GRIN2B: variants seen among roughly 807,000 people sequenced by gnomAD.
GRIN2B encodes the protein glutamate ionotropic receptor NMDA type subunit 2B.
A neutral mutation model predicts 114.5 loss-of-function variants in GRIN2B; 5 were observed. The ratio of observed to expected loss-of-function variants is 0.04; its 90% CI spans 0.02 to 0.09. The LOEUF is 0.09. Among genes scored for constraint, GRIN2B ranks in the 10% least tolerant of loss-of-function variants. GRIN2B has a pLI of 1.00. For missense variants in GRIN2B, 1,108 were observed against 1,943.5 expected (o/e 0.57, Z 8.08); for synonymous variants, 787 against 745.1 (o/e 1.06, Z -0.92).
chr12:13,708,723 A>G (rs1358348510), intron 4 of GRIN2B, among the ~76,000 whole-genome samples: 1 of 152,068 alleles, frequency 6.6e-6, no homozygotes. Context: ...CAGAGAGGTT[A>G]ATCAACTTAT....
chr12:13,547,981 A>ATAT lies in GRIN2B; in HGVS notation c.*14801_*14802insATA. 79 of 68,594 alleles carry ATAT rather than the reference A, an allele frequency of 1.2e-3. 1 individual carries two copies. The highest frequency in any genetic ancestry group is 5.1e-3 in the South Asian group (7 of 1,378). 4.2% of individuals were successfully genotyped at this position (68,594 alleles called of 1,614,324 possible). ...TGTGTATATATATATATATATATAT[A>ATAT]TTTTTTTTTTTTTTCTGAAAGCTAC... On this transcript the variant is annotated 3_prime_UTR_variant, in exon 14 of 14. Transcript: ENST00000609686.
At chr12:13,682,156 A>G (rs529458300) in intron 4 of GRIN2B, among the ~76,000 whole-genome samples, 2 of 152,328 alleles carry the variant, frequency 1.3e-5, no homozygotes, top group Non-Finnish European at 2.9e-5. Flanking sequence ...ATCAAAATAA[A>G]TCCAAAATGA....
At chr12:13,715,229 A>G (rs990300103) in intron 4 of GRIN2B, among the ~76,000 whole-genome samples, 2 of 152,010 alleles carry the variant, frequency 1.3e-5, no homozygotes, top group South Asian at 2.1e-4. Context: ...TCCTTCATTC[A>G]CTTTTCTGAA....
chr12:13,826,913 C>CTT (rs956051675), intron 3 of GRIN2B, among the ~76,000 whole-genome samples: 39 of 150,618 alleles, frequency 2.6e-4, no homozygotes, highest in African/African-American at 7.8e-4. Context: ...ATTACCTCAG[C>CTT]TTTTTTTTTC....
At chr12:13,848,046 C>G (rs1282861154) in intron 3 of GRIN2B, among the ~76,000 whole-genome samples, 1 of 152,176 alleles carries the variant, frequency 6.6e-6, no homozygotes, top group Non-Finnish European at 1.5e-5. Flanking sequence ...ACACCCTCCT[C>G]AAGCAGCTCC....
intron 4 of GRIN2B, among the ~76,000 whole-genome samples, chr12:13,690,721 C>A (rs1445384111): frequency 1.3e-5 from 2 of 152,002 alleles, no homozygotes; most frequent in Non-Finnish European, 1.5e-5. Flanking sequence ...GTAGAGAAAT[C>A]AAAAGCGATT....
intron 2 of GRIN2B, among the ~76,000 whole-genome samples, chr12:13,969,471 T>TGTGG (rs1555163135): frequency 6.6e-6 from 1 of 152,236 alleles, no homozygotes; most frequent in Non-Finnish European, 1.5e-5. Flanking sequence ...ATGTCAGCCT[T>TGTGG]GTGGTGAGGA....
intron 2 of GRIN2B, among the ~76,000 whole-genome samples, chr12:13,960,007 G>A (rs1479055640): frequency 6.6e-6 from 1 of 152,086 alleles, no homozygotes; most frequent in Non-Finnish European, 1.5e-5. Flanking sequence ...TGGCATAAGT[G>A]GAGCCGAGCT....
intron 3 of GRIN2B, among the ~76,000 whole-genome samples, chr12:13,786,807 C>T (rs541125712): frequency 4.6e-5 from 7 of 152,280 alleles, no homozygotes; most frequent in Non-Finnish European, 8.8e-5. Context: ...TGCCGCTGTG[C>T]CTGTTGTCCA....
intron 2 of GRIN2B, among the ~76,000 whole-genome samples, chr12:13,971,105 C>G (rs2136871661): frequency 6.6e-6 from 1 of 152,232 alleles, no homozygotes; most frequent in African/African-American, 2.4e-5. Context: ...TGGGGCCAGC[C>G]AGTAGATATT....
In GRIN2B at chr12:13,569,779, G is replaced by C. The variant is rs751876386; in HGVS notation, c.2359+51C>G. The stretch of plus-strand genomic sequence containing the variant: ...AAGAAAAGGAAAGGTTGATGTTTTG[G>C]ACTGGCCATCAGTAGAGGACAAATG... On this transcript the variant is annotated intron_variant, in intron 12 of 13. Transcript: ENST00000609686. The C allele has an allele frequency of 5.3e-6, 6 of 1,122,408 alleles. 1 individual carries two copies. In the Admixed American group the frequency reaches 6.6e-5, roughly 12 times the overall value. 69.5% of individuals were successfully genotyped at this position (1,122,408 alleles called of 1,614,324 possible).
intron 3 of GRIN2B, among the ~76,000 whole-genome samples, chr12:13,827,021 G>GT (rs140999042): frequency 0.16 from 23,544 of 143,048 alleles, 2,356 homozygotes; most frequent in Non-Finnish European, 0.23. Flanking sequence ...TTGTTGAGAG[G>GT]TTTTTTTTTT....
chr12:13,769,611 A>T (rs1413679412), intron 3 of GRIN2B, among the ~76,000 whole-genome samples: 1 of 152,222 alleles, frequency 6.6e-6, no homozygotes, highest in East Asian at 1.9e-4. Context: ...ATAAAGTCAA[A>T]TCATGCACTT....
intron 3 of GRIN2B, among the ~76,000 whole-genome samples, chr12:13,782,074 C>T (rs890386102): frequency 1.5e-4 from 23 of 152,130 alleles, no homozygotes; most frequent in African/African-American, 5.6e-4. Flanking sequence ...ATTATGTCAA[C>T]AGAGTTATGG....
intron 2 of GRIN2B, among the ~76,000 whole-genome samples, chr12:13,878,731 C>T (rs181793338): frequency 2.8e-4 from 43 of 152,274 alleles, no homozygotes; most frequent in African/African-American, 1.0e-3. Context: ...TGAGCAGCAT[C>T]GTAAGCAGCA....
At position 13,547,981 on chromosome 12, in the gene GRIN2B, A is replaced by ATATATATATTTTTTT; in HGVS notation, c.*14801_*14802insAAAAAAATATATATA. On this transcript the variant is annotated 3_prime_UTR_variant, in exon 14 of 14. Transcript: ENST00000609686. Reference sequence around the variant, plus strand: ...TGTGTATATATATATATATATATATATTTTTTTTTTTTTTCTGAAAGCTAC... The same window carrying ATATATATATTTTTTT: ...TGTGTATATATATATATATATATATATATATATATTTTTTTTTTTTTTTTTTTTTCTGAAAGCTAC... The ATATATATATTTTTTT allele has an allele frequency of 1.5e-5, 1 of 68,578 alleles. No homozygotes were observed. Among genetic ancestry groups the ATATATATATTTTTTT allele is most frequent in the African/African-American group, 4.6e-5 (1 of 21,750 alleles). The allele number at this position is 68,578 out of a possible 1,614,324, so 4.2% of individuals were successfully genotyped here.
intron 2 of GRIN2B, among the ~76,000 whole-genome samples, chr12:13,959,530 G>T (rs533967647): frequency 1.3e-5 from 2 of 152,298 alleles, no homozygotes; most frequent in African/African-American, 4.8e-5. Flanking sequence ...GCCAGCTAGA[G>T]TCCTGCACTA....
intron 10 of GRIN2B, among the ~76,000 whole-genome samples, chr12:13,607,727 TG>T (rs1949302580): frequency 2.0e-5 from 1 of 50,000 alleles, no homozygotes; most frequent in African/African-American, 8.0e-5. Context: ...CCTGGGGGGG[TG>T]GGGGTGGGAG....
chr12:13,739,783 T>G (rs1266430744), intron 4 of GRIN2B, among the ~76,000 whole-genome samples: 1 of 152,186 alleles, frequency 6.6e-6, no homozygotes. Flanking sequence ...CCCTAAGGAT[T>G]GAGCCACTAG....
Sources: allele counts gnomAD v4.1 joint callset (sites outside exome capture counted in the v4.1 genomes callset), GRCh38; gene constraint gnomAD v4.1.1; transcripts MANE v1.5; gene names NCBI Gene and HGNC (gene_info 2026-07-23, HGNC 2026-07-21).